The following GPC6 variants were observed in gnomAD, a reference collection of about 807,000 sequenced individuals.
GPC6 encodes glypican-6.
GPC6 carries 14 observed loss-of-function variants against 55.2 expected under a neutral mutation model. The ratio of observed to expected loss-of-function variants is 0.25; its 90% CI spans 0.17 to 0.40. The LOEUF (loss-of-function observed/expected upper bound fraction) is 0.40. Ranked by LOEUF, GPC6 falls within the 10% of genes least tolerant of loss-of-function variation. The pLI is 1.00. For missense variants in GPC6, 641 were observed against 708.5 expected, an observed-to-expected ratio of 0.90 and a Z score of 1.08; for synonymous variants, 278 against 259.6, an observed-to-expected ratio of 1.07 and a Z score of -0.68.
At chr13:94,047,091 C>T (rs1056704159) in intron 4 of GPC6, among the ~76,000 whole-genome samples, 4 of 152,096 alleles carry the variant, frequency 2.6e-5, no homozygotes, top group African/African-American at 9.7e-5. Flanking sequence ...AAGCCAAGTA[C>T]TAGTTTCTCT....
Position 94,352,189 on chromosome 13 carries a change from G to C in GPC6, c.1153-30225G>C, listed in dbSNP as rs536521179. 4.6e-5 allele frequency among the ~76,000 whole-genome samples: 7 copies of C among 152,144 alleles called. No individual in the cohort carries two copies. The South Asian group carries it at 1.5e-3, about 32-fold the overall frequency. On this transcript the variant is annotated intron_variant, in intron 6 of 8. Coordinates refer to ENST00000377047, the MANE Select transcript of GPC6 (RefSeq NM_005708.5). ...CCAACCAGGTCTTAGGTCTGCGTGA[G>C]CCTGGTGGAGCAACTCAAGTCAGTG...
chr13:93,463,827 T>TA (rs941218239), intron 1 of GPC6, among the ~76,000 whole-genome samples: 3 of 152,086 alleles, frequency 2.0e-5, no homozygotes, highest in Non-Finnish European at 2.9e-5. Flanking sequence ...TGTTCTGACT[T>TA]ACGGCATTTG....
intron 6 of GPC6, among the ~76,000 whole-genome samples, chr13:94,339,170 T>A (rs1175962823): frequency 6.6e-6 from 1 of 151,966 alleles, no homozygotes; most frequent in Non-Finnish European, 1.5e-5. Flanking sequence ...GCTCAAGCAG[T>A]CCTCCGGCCT....
At chr13:93,461,260 G>C (rs1415472942) in intron 1 of GPC6, among the ~76,000 whole-genome samples, 1 of 152,056 alleles carries the variant, frequency 6.6e-6, no homozygotes, top group Non-Finnish European at 1.5e-5. Flanking sequence ...TTTCAAGTAA[G>C]ACCTGAATTT....
intron 1 of GPC6, among the ~76,000 whole-genome samples, chr13:93,335,386 C>T (rs1371946887): frequency 1.3e-5 from 2 of 152,100 alleles, no homozygotes; most frequent in Admixed American, 1.3e-4. Flanking sequence ...ATTTGGGTAT[C>T]CCAACAACAT....
chr13:93,559,530 A>G (rs1005941639), intron 2 of GPC6, among the ~76,000 whole-genome samples: 2 of 152,196 alleles, frequency 1.3e-5, no homozygotes, highest in Non-Finnish European at 2.9e-5. Context: ...ATGGATCACT[A>G]GGGATGGATG....
intron 1 of GPC6, among the ~76,000 whole-genome samples, chr13:93,391,810 C>G (rs1416344845): frequency 2.6e-5 from 4 of 152,140 alleles, no homozygotes; most frequent in Non-Finnish European, 5.9e-5. Flanking sequence ...TACATTCACT[C>G]TGGCAGATGA....
At position 93,345,028 on chromosome 13, in the gene GPC6, A is replaced by T. The variant is rs145308373; in HGVS notation, c.160+117412A>T. On this transcript the variant is annotated intron_variant, in intron 1 of 8. Transcript: ENST00000377047. The stretch of plus-strand genomic sequence containing the variant: ...TATGCTTTAAAAATGTGTATGAAAT[A>T]TTAGCCTAGTAAGAGAAGAACAGAA... Among the ~76,000 whole-genome samples, 892 of 152,304 alleles carry T rather than the reference A, an allele frequency of 5.9e-3. 8 individuals carry two copies. Among genetic ancestry groups the T allele is most frequent in the African/African-American group, 0.019 (792 of 41,564 alleles).
chr13:93,901,812 A>G (rs1422807290), intron 3 of GPC6, among the ~76,000 whole-genome samples: 2 of 151,646 alleles, frequency 1.3e-5, no homozygotes, highest in Non-Finnish European at 2.9e-5. Flanking sequence ...GAGGCAGGAA[A>G]ATCACTTGAA....
intron 3 of GPC6, among the ~76,000 whole-genome samples, chr13:93,935,014 C>T (rs151337395): frequency 0.011 from 1,686 of 152,290 alleles, 19 homozygotes; most frequent in Middle Eastern, 0.031. Flanking sequence ...AATATTCCAA[C>T]ATATGGACAT....
At chr13:93,929,728 C>G (rs563546047) in intron 3 of GPC6, among the ~76,000 whole-genome samples, 1 of 150,134 alleles carries the variant, frequency 6.7e-6, no homozygotes, top group African/African-American at 2.4e-5. Flanking sequence ...TCTAATAGCC[C>G]CATTAAACAA....
At chr13:93,685,190 A>G (rs1041585413) in intron 2 of GPC6, among the ~76,000 whole-genome samples, 2 of 152,188 alleles carry the variant, frequency 1.3e-5, no homozygotes, top group African/African-American at 4.8e-5. Context: ...GGTCTGTGGT[A>G]GGCAGCACAA....
intron 2 of GPC6, among the ~76,000 whole-genome samples, chr13:93,579,203 T>C (rs979165009): frequency 6.6e-6 from 1 of 152,114 alleles, no homozygotes; most frequent in Non-Finnish European, 1.5e-5. Context: ...CTATTATTAA[T>C]ACTACTCTAG....
chr13:93,368,040 CTG>C (rs1379224754), intron 1 of GPC6, among the ~76,000 whole-genome samples: 4 of 152,074 alleles, frequency 2.6e-5, no homozygotes, highest in African/African-American at 9.7e-5. Context: ...AAATCTCAAA[CTG>C]TAATTATTGA....
At chr13:94,156,667 A>G (rs1887956615) in intron 4 of GPC6, among the ~76,000 whole-genome samples, 1 of 152,204 alleles carries the variant, frequency 6.6e-6, no homozygotes, top group Admixed American at 6.6e-5. Context: ...AAATCAGTAC[A>G]GGGCTCAGTG....
intron 4 of GPC6, among the ~76,000 whole-genome samples, chr13:94,066,891 G>C (rs1884535552): frequency 1.3e-5 from 2 of 152,184 alleles, no homozygotes; most frequent in African/African-American, 4.8e-5. Flanking sequence ...AGAGATGCTT[G>C]ATACTTTTAA....
intron 6 of GPC6, among the ~76,000 whole-genome samples, chr13:94,319,986 C>G (rs1320845789): frequency 1.3e-5 from 2 of 152,152 alleles, no homozygotes; most frequent in Admixed American, 1.3e-4. Context: ...TCTTTCTCTA[C>G]TCATCCAATA....
intron 2 of GPC6, among the ~76,000 whole-genome samples, chr13:93,675,794 G>A (rs1881564268): frequency 6.6e-6 from 1 of 152,036 alleles, no homozygotes; most frequent in Non-Finnish European, 1.5e-5. Context: ...TAGAGATAGA[G>A]TGCTTTCAAA....
At position 93,276,669 on chromosome 13, in the gene GPC6, G is replaced by A. The variant is rs150308851; in HGVS notation, c.160+49053G>A. ...GGGGGTAAGGCAGCTCTTGGGACTC[G>A]GGGACGGAGGTGGTGCATGGAGCCA... On this transcript the variant is annotated intron_variant, in intron 1 of 8. Transcript: ENST00000377047. 4.4e-3 allele frequency among the ~76,000 whole-genome samples: 664 copies of A among 152,116 alleles called. 5 individuals are homozygous for A. The highest frequency in any genetic ancestry group is 0.015 in the African/African-American group (640 of 41,494).
Sources: gnomAD v4.1 joint callset for allele counts (sites outside exome capture counted in the v4.1 genomes callset) on GRCh38, gnomAD v4.1.1 for gene constraint, MANE v1.5 for transcripts, NCBI Gene and HGNC (gene_info 2026-07-23, HGNC 2026-07-21) for gene names.